APBB2: variants seen among roughly 807,000 people sequenced by gnomAD.
APBB2 encodes Fe65-like 1.
In APBB2, 38 loss-of-function variants were observed where a neutral mutation model predicts 82.5. That is an observed-to-expected ratio of 0.46 (90% confidence interval 0.36 to 0.60). APBB2 has a LOEUF of 0.60. APBB2 is among the 20% of genes least tolerant of loss of function. The probability of loss-of-function intolerance (pLI) is 0.00; values close to 1 mark genes in which losing one functional copy is unlikely to be tolerated. For synonymous variants in APBB2, 341 were observed against 368.2 expected (o/e 0.93, Z 0.85); for missense variants, 772 against 972.3 (o/e 0.79, Z 2.74).
chr4:41,167,996 C>T (rs953814768), intron 1 of APBB2, among the ~76,000 whole-genome samples: 1 of 152,118 alleles, frequency 6.6e-6, no homozygotes, highest in Admixed American at 6.6e-5. Context: ...TTTGGCTGGG[C>T]GTGGTGGCTC....
At position 41,077,797 on chromosome 4, in the gene APBB2, T is replaced by C. The variant is rs545059489; in HGVS notation, c.-148-12124A>G. Among the ~76,000 whole-genome samples, 3 of 152,278 alleles carry C rather than the reference T, an allele frequency of 2.0e-5. No individual in the cohort carries two copies. The East Asian group carries it at 5.8e-4, about 29-fold the overall frequency. ...ATCCAATAAACAGGTCAATCAAGAATTCCCAACGTGATTGCTAAGGACAAA... is the reference window on the plus strand; with the variant it reads ...ATCCAATAAACAGGTCAATCAAGAACTCCCAACGTGATTGCTAAGGACAAA... On this transcript the variant is annotated intron_variant, in intron 3 of 17. Transcript: ENST00000508593.
rs1290484835 is a variant in APBB2, at chr4:40,932,176, A to G, written c.1254+2280T>C. Among the ~76,000 whole-genome samples, 3 of 152,008 alleles carry G rather than the reference A, an allele frequency of 2.0e-5. No homozygotes were observed. In the East Asian group the frequency reaches 5.8e-4, roughly 29 times the overall value. ...TTCACACCCTGGCTCCACATACATC[A>G]CTGCCCCAGCCCTTAGTGGTGGACA... is the stretch of plus-strand genomic sequence containing the variant. On this transcript the variant is annotated intron_variant, in intron 10 of 17. Coordinates refer to ENST00000508593, the MANE Select transcript of APBB2 (RefSeq NM_004307.2).
At chr4:40,950,083 C>A (rs887801373) in intron 6 of APBB2, among the ~76,000 whole-genome samples, 3 of 152,140 alleles carry the variant, frequency 2.0e-5, no homozygotes, top group Non-Finnish European at 4.4e-5. Flanking sequence ...CTGCAGAAAT[C>A]TAATAAAAAG....
At chr4:41,002,298 G>C (rs899685683) in intron 6 of APBB2, among the ~76,000 whole-genome samples, 1 of 152,228 alleles carries the variant, frequency 6.6e-6, no homozygotes, top group Non-Finnish European at 1.5e-5. Context: ...GGAAGACTCT[G>C]AGAAGTCATC....
intron 12 of APBB2, among the ~76,000 whole-genome samples, chr4:40,864,667 C>G (rs932077309): frequency 1.3e-5 from 2 of 152,142 alleles, no homozygotes; most frequent in Non-Finnish European, 2.9e-5. Flanking sequence ...AAACCTCCCA[C>G]TACTCCAAAG....
chr4:41,014,165 C>A lies in APBB2; in HGVS notation c.253G>T (p.Ala85Ser). The A allele has an allele frequency of 6.2e-7, 1 of 1,614,244 alleles. No individual in the cohort carries two copies. Among genetic ancestry groups the A allele is most frequent in the Non-Finnish European group, 8.5e-7 (1 of 1,180,048 alleles). ...CCATTTCCCAGCAGGGGCTGTGCAG[C>A]TGGATCCGAGAGGCCCATGGCCGCC... Reference protein sequence around the residue: ...IQAAMGLSDPAAQPLLGNGSA... With the variant: ...IQAAMGLSDPSAQPLLGNGSA... Residue 85 changes from alanine to serine, a missense_variant, in exon 6 of 18, where the codon GCT (alanine) becomes TCT (serine). Physicochemically the swap from Ala to Ser is moderately conservative, Grantham distance 99. Coordinates refer to ENST00000508593, the MANE Select transcript of APBB2 (RefSeq NM_004307.2).
intron 6 of APBB2, among the ~76,000 whole-genome samples, chr4:40,956,034 A>T (rs181797955): frequency 1.6e-4 from 24 of 152,190 alleles, no homozygotes; most frequent in Non-Finnish European, 3.1e-4. Flanking sequence ...TCGGCCTCCC[A>T]AAGTGCTGGG....
Position 40,913,842 on chromosome 4 carries a change from G to A in APBB2, c.1255-20431C>T, listed in dbSNP as rs542968356. ...GTGCTTTTAAGTGCGAGAAGGCTAT[G>A]AGGTGCCTTATGGAGAAATACTTAT... is the stretch of plus-strand genomic sequence containing the variant. On this transcript the variant is annotated intron_variant, in intron 10 of 17. Transcript: ENST00000508593. Among the ~76,000 whole-genome samples the A allele has an allele frequency of 2.0e-5, 3 of 152,224 alleles. No homozygotes were observed. The South Asian group carries it at 6.2e-4, about 32-fold the overall frequency.
intron 9 of APBB2, 41 bp from the exon 10 acceptor site, chr4:40,934,557 C>G: frequency 6.2e-7 from 1 of 1,612,268 alleles, no homozygotes; most frequent in South Asian, 1.1e-5. Context: ...AATTCTATTG[C>G]AAACTATCTG....
chr4:40,973,914 C>T (rs1056458638), intron 6 of APBB2, among the ~76,000 whole-genome samples: 7 of 150,868 alleles, frequency 4.6e-5, no homozygotes, highest in Admixed American at 2.6e-4. Context: ...TGCAGTGGCG[C>T]GATCTCGGCT....
chr4:40,888,563 C>T (rs914742637), intron 12 of APBB2, among the ~76,000 whole-genome samples: 8 of 151,824 alleles, frequency 5.3e-5, no homozygotes, highest in African/African-American at 1.9e-4. Flanking sequence ...CTGTCTCGCA[C>T]ACGTATGTAG....
At chr4:40,998,263 G>A (rs925100893) in intron 6 of APBB2, among the ~76,000 whole-genome samples, 1 of 152,170 alleles carries the variant, frequency 6.6e-6, no homozygotes, top group Non-Finnish European at 1.5e-5. Flanking sequence ...ATAATGAAAT[G>A]TTTCAACATT....
At chr4:40,855,034 G>T (rs894390856) in intron 12 of APBB2, among the ~76,000 whole-genome samples, 1 of 152,166 alleles carries the variant, frequency 6.6e-6, no homozygotes, top group African/African-American at 2.4e-5. Context: ...ACCGACTTTA[G>T]TGCCCAATGG....
intron 4 of APBB2, among the ~76,000 whole-genome samples, chr4:41,036,933 C>A (rs1237623070): frequency 6.6e-6 from 1 of 152,110 alleles, no homozygotes; most frequent in African/African-American, 2.4e-5. Context: ...ATCAAAGCAG[C>A]ACTTGGAAAA....
At chr4:40,956,186 A>C (rs893647602) in intron 6 of APBB2, among the ~76,000 whole-genome samples, 34 of 152,100 alleles carry the variant, frequency 2.2e-4, no homozygotes, top group Admixed American at 1.7e-3. Flanking sequence ...TGTTGTCAGA[A>C]TATAGCAAGC....
chr4:40,880,588 T>C (rs1768189566), intron 12 of APBB2: 2 of 985,486 alleles, frequency 2.0e-6, no homozygotes, highest in South Asian at 4.7e-5. Context: ...TTTACTCAAA[T>C]GACTCTTCTT....
intron 6 of APBB2, among the ~76,000 whole-genome samples, chr4:41,007,768 G>C (rs914191222): frequency 1.3e-5 from 2 of 152,188 alleles, no homozygotes; most frequent in Non-Finnish European, 2.9e-5. Context: ...CAGCAAATGA[G>C]TAACTTTATG....
At chr4:41,204,269 T>C (rs1777408341) in intron 1 of APBB2, among the ~76,000 whole-genome samples, 1 of 152,344 alleles carries the variant, frequency 6.6e-6, no homozygotes, top group Middle Eastern at 3.4e-3. Context: ...CCTGAAGAGT[T>C]GGGATGATAT....
intron 13 of APBB2, 154 bp downstream of exon 13, chr4:40,830,309 G>T: frequency 1.6e-6 from 1 of 610,646 alleles, no homozygotes. Context: ...CTGGCCCGCA[G>T]CAAGAATACT....
Sources: allele counts gnomAD v4.1 joint callset (sites outside exome capture counted in the v4.1 genomes callset), GRCh38; gene constraint gnomAD v4.1.1; transcripts MANE v1.5; gene names NCBI Gene and HGNC (gene_info 2026-07-23, HGNC 2026-07-21).